DGKB: variants seen among roughly 807,000 people sequenced by gnomAD.
DGKB encodes the protein 90 kDa diacylglycerol kinase.
A neutral mutation model predicts 114.3 loss-of-function variants in DGKB; 67 were observed. That is an observed-to-expected ratio of 0.59 (90% CI 0.48 to 0.72). The LOEUF (loss-of-function observed/expected upper bound fraction) is 0.72, where lower values mean the gene tolerates loss of function less well. Among genes scored for constraint, DGKB ranks in the 30% least tolerant of loss-of-function variants. The pLI is 0.00. For synonymous variants in DGKB, 398 were observed against 323.1 expected (o/e 1.23, Z -2.49); for missense variants, 907 against 975.2 (o/e 0.93, Z 0.93).
intron 23 of DGKB, among the ~76,000 whole-genome samples, chr7:14,318,316 C>A (rs1412432519): frequency 6.7e-6 from 1 of 149,064 alleles, no homozygotes. Context: ...AGCTTCTGCA[C>A]AGCAAAAGAA....
At chr7:14,322,695 AC>A in intron 23 of DGKB, among the ~76,000 whole-genome samples, 1 of 152,344 alleles carries the variant, frequency 6.6e-6, no homozygotes, top group African/African-American at 2.4e-5. Flanking sequence ...TATATTTGCA[AC>A]CCATAGAGAA....
At chr7:14,182,516 G>A (rs769844265) in intron 23 of DGKB, among the ~76,000 whole-genome samples, 4 of 152,014 alleles carry the variant, frequency 2.6e-5, no homozygotes, top group Non-Finnish European at 4.4e-5. Flanking sequence ...GATTTCACCA[G>A]ACAGGCAAAA....
At chr7:14,834,833 G>A (rs936210167) in intron 2 of DGKB, among the ~76,000 whole-genome samples, 2 of 152,084 alleles carry the variant, frequency 1.3e-5, no homozygotes, top group African/African-American at 4.8e-5. Flanking sequence ...TTTGGGGGGA[G>A]GTCAAGTCTG....
intron 2 of DGKB, among the ~76,000 whole-genome samples, chr7:14,772,850 TC>T (rs1837617876): frequency 6.6e-6 from 1 of 152,156 alleles, no homozygotes; most frequent in African/African-American, 2.4e-5. Context: ...GCATTTACTT[TC>T]TGCCTTTCTC....
intron 21 of DGKB, among the ~76,000 whole-genome samples, chr7:14,470,738 T>G (rs942695933): frequency 6.6e-6 from 1 of 151,654 alleles, no homozygotes; most frequent in Non-Finnish European, 1.5e-5. Context: ...TCTCATGAAA[T>G]TGATTGGATG....
At chr7:14,636,989 T>TA (rs1157921177) in intron 13 of DGKB, among the ~76,000 whole-genome samples, 1 of 151,846 alleles carries the variant, frequency 6.6e-6, no homozygotes, top group Non-Finnish European at 1.5e-5. Context: ...TCTGATTATA[T>TA]AAAACACATT....
intron 25 of DGKB, among the ~76,000 whole-genome samples, chr7:14,159,000 G>T (rs991680709): frequency 6.6e-6 from 1 of 151,868 alleles, no homozygotes; most frequent in Non-Finnish European, 1.5e-5. Flanking sequence ...TCTTCTAAAT[G>T]GTCATTACCT....
intron 12 of DGKB, 138 bp downstream of exon 12, chr7:14,682,415 C>T: frequency 1.6e-6 from 1 of 644,038 alleles, no homozygotes; most frequent in Middle Eastern, 2.8e-4. Context: ...TGCAAACAAG[C>T]TGAAATGAGA....
chr7:14,184,371 G>A (rs887595987), intron 23 of DGKB, among the ~76,000 whole-genome samples: 2 of 152,172 alleles, frequency 1.3e-5, no homozygotes, highest in East Asian at 1.9e-4. Flanking sequence ...TTCTTTCGCA[G>A]TTGGGAGGTG....
At chr7:14,949,905 G>A (rs961606744) in intron 1 of DGKB, among the ~76,000 whole-genome samples, 13 of 150,616 alleles carry the variant, frequency 8.6e-5, no homozygotes, top group Admixed American at 2.7e-4. Flanking sequence ...TGAACAATGA[G>A]AACATTTGGA....
intron 17 of DGKB, among the ~76,000 whole-genome samples, chr7:14,590,624 T>G (rs1018676226): frequency 6.6e-6 from 1 of 152,120 alleles, no homozygotes; most frequent in African/African-American, 2.4e-5. Context: ...ATCCATTCAA[T>G]CCATGCAGTT....
At chr7:14,648,905 A>G (rs534591788) in intron 13 of DGKB, among the ~76,000 whole-genome samples, 1 of 128,140 alleles carries the variant, frequency 7.8e-6, no homozygotes, top group African/African-American at 2.9e-5. Flanking sequence ...GCAATGGAAG[A>G]TGAAATGAAT....
chr7:14,315,726 G>A (rs1427107979), intron 23 of DGKB, among the ~76,000 whole-genome samples: 4,919 of 147,600 alleles, frequency 0.033, 258 homozygotes, highest in African/African-American at 0.12. Flanking sequence ...CAGATCAACG[G>A]GACAGAAAGT....
chr7:14,890,613 A>G (rs1781050351), intron 1 of DGKB, among the ~76,000 whole-genome samples: 1 of 151,334 alleles, frequency 6.6e-6, no homozygotes, highest in African/African-American at 2.4e-5. Context: ...TCTGAGAAAA[A>G]CATCTTCTTT....
intron 23 of DGKB, among the ~76,000 whole-genome samples, chr7:14,215,345 A>G (rs80126217): frequency 2.0e-5 from 3 of 152,228 alleles, no homozygotes; most frequent in African/African-American, 7.2e-5. Context: ...AAGGGTAAAA[A>G]AGAGGCAATG....
chr7:14,327,949 G>A (rs1809041996), intron 23 of DGKB, among the ~76,000 whole-genome samples: 1 of 152,018 alleles, frequency 6.6e-6, no homozygotes, highest in African/African-American at 2.4e-5. Flanking sequence ...GCAAAAACAT[G>A]TTAAAATATG....
At chr7:14,288,352 G>GTGTT (rs1030382994) in intron 23 of DGKB, among the ~76,000 whole-genome samples, 3 of 142,872 alleles carry the variant, frequency 2.1e-5, no homozygotes, top group African/African-American at 7.8e-5. Flanking sequence ...AAGGATCACA[G>GTGTT]TGTTTATTTT....
At chr7:14,638,203 A>G (rs1057182265) in intron 13 of DGKB, among the ~76,000 whole-genome samples, 2 of 152,098 alleles carry the variant, frequency 1.3e-5, no homozygotes, top group Non-Finnish European at 2.9e-5. Context: ...GATATTTTAT[A>G]TAACTACAAC....
intron 23 of DGKB, among the ~76,000 whole-genome samples, chr7:14,320,558 A>AT (rs199795358): frequency 2.1e-3 from 314 of 150,786 alleles, no homozygotes; most frequent in East Asian, 0.016. Context: ...TGTACTATAT[A>AT]GTACATATAT....
Sources: allele counts gnomAD v4.1 joint callset (sites outside exome capture counted in the v4.1 genomes callset), GRCh38; gene constraint gnomAD v4.1.1; transcripts MANE v1.5; gene names NCBI Gene and HGNC (gene_info 2026-07-23, HGNC 2026-07-21).